The following CEP43 variants were observed in gnomAD, a reference collection of about 807,000 sequenced individuals.
The protein encoded by CEP43 is FGFR1 oncogene partner.
CEP43 carries 36 observed loss-of-function variants against 52.6 expected under a neutral mutation model. The ratio of observed to expected loss-of-function variants is 0.68; its 90% CI spans 0.52 to 0.90. The LOEUF is 0.90. Among genes scored for constraint, CEP43 ranks in the 40% least tolerant of loss-of-function variants. The probability of loss-of-function intolerance (pLI) is 0.00; values close to 1 mark genes in which losing one functional copy is unlikely to be tolerated. For missense variants in CEP43, 506 were observed against 472.8 expected (o/e 1.07, Z -0.65); for synonymous variants, 192 against 172.4 (o/e 1.11, Z -0.89).
chr6:167,005,866 C>A (rs1442429024), intron 5 of CEP43, among the ~76,000 whole-genome samples: 1 of 152,128 alleles, frequency 6.6e-6, no homozygotes, highest in African/African-American at 2.4e-5. Flanking sequence ...CTTTCATTTT[C>A]TTTTCTGTTT....
At position 167,011,334 on chromosome 6, in the gene CEP43, T is replaced by C. The variant is rs181518721; in HGVS notation, c.519+441T>C. 6.6e-5 allele frequency among the ~76,000 whole-genome samples: 10 copies of C among 152,336 alleles called. No individual in the cohort carries two copies. In the East Asian group the frequency reaches 1.9e-3, roughly 29 times the overall value. ...AAATCATGATGGTTTTTAATATACC[T>C]GGGCTGTTTTGATACAATTTCTAAG... On this transcript the variant is annotated intron_variant, in intron 6 of 12. Transcript: ENST00000366847.
intron 10 of CEP43, among the ~76,000 whole-genome samples, chr6:167,027,098 T>A (rs1433230078): frequency 6.6e-6 from 1 of 152,228 alleles, no homozygotes; most frequent in Non-Finnish European, 1.5e-5. Context: ...ATGCTGGTAG[T>A]ACATGGTCCA....
In CEP43 at chr6:166,999,421, G is replaced by A; in HGVS notation, c.9G>A (p.Ala3=). The part of the protein sequence containing the change: MA[A]TAAAVVAEED... The stretch of plus-strand genomic sequence containing the variant: ...TGTCTTGGAGAAGCAAGATGGCGGC[G>A]ACGGCGGCCGCAGTGGTGGCCGAGG... The change falls in exon 1 of 13, where the codon GCG becomes GCA. Residue 3 remains alanine (A), a synonymous_variant. Coordinates refer to ENST00000366847, the MANE Select transcript of CEP43 (RefSeq NM_007045.4). 4.7e-6 allele frequency: 7 copies of A among 1,475,072 alleles called. No homozygotes were observed. The highest frequency in any genetic ancestry group is 6.3e-6 in the Non-Finnish European group (7 of 1,110,520). 91.4% of individuals were successfully genotyped at this position (1,475,072 alleles called of 1,614,324 possible).
Position 167,041,869 on chromosome 6 carries a change from A to T in CEP43, c.*1891A>T, listed in dbSNP as rs143841163. On this transcript the variant is annotated 3_prime_UTR_variant, in exon 13 of 13. Coordinates refer to ENST00000366847, the MANE Select transcript of CEP43 (RefSeq NM_007045.4). ...GACAGAGTCTCACTGTGTCACTCAG[A>T]CTGGAGTACAGTGATGCGATCTCGG... 4 of 908,920 alleles carry T rather than the reference A, an allele frequency of 4.4e-6. No individual in the cohort carries two copies. The highest frequency in any genetic ancestry group is 1.8e-5 in the African/African-American group (1 of 55,984). 56.3% of individuals were successfully genotyped at this position (908,920 alleles called of 1,614,324 possible).
chr6:167,052,377 A>C lies in CEP43; in HGVS notation c.*12399A>C, dbSNP rs1189765572. ...GCAGGAAGGAAGGAAGAGGAAGGAA[A>C]AGTGTGTGAAAGGGGGCTCCACCTC... On this transcript the variant is annotated 3_prime_UTR_variant, in exon 13 of 13. Coordinates refer to ENST00000366847, the MANE Select transcript of CEP43 (RefSeq NM_007045.4). The C allele has an allele frequency of 6.6e-6, 1 of 152,168 alleles. No individual in the cohort carries two copies. Among genetic ancestry groups the C allele is most frequent in the African/African-American group, 2.4e-5 (1 of 41,440 alleles). The allele number at this position is 152,168 out of a possible 1,614,324, so 9.4% of individuals were successfully genotyped here.
intron 7 of CEP43, 144 bp from the exon 8 acceptor site, chr6:167,022,259 AACACAC>A (rs35327997): frequency 3.1e-3 from 1,664 of 543,596 alleles, no homozygotes; most frequent in Non-Finnish European, 3.2e-3. Flanking sequence ...GAGCTGCCCC[AACACAC>A]ACACACACAC....
At chr6:167,022,954 A>C (rs1780271619) in intron 8 of CEP43, among the ~76,000 whole-genome samples, 2 of 152,224 alleles carry the variant, frequency 1.3e-5, no homozygotes, top group South Asian at 4.2e-4. Flanking sequence ...AGAGTCAGGC[A>C]ATGAGGGTTA....
At chr6:167,004,793 T>C (rs1489783941) in intron 5 of CEP43, among the ~76,000 whole-genome samples, 2 of 152,206 alleles carry the variant, frequency 1.3e-5, no homozygotes, top group Non-Finnish European at 2.9e-5. Flanking sequence ...CTTGCTATTA[T>C]TTTTATTAAA....
chr6:167,004,869 C>T (rs1779817140), intron 5 of CEP43, among the ~76,000 whole-genome samples: 1 of 152,132 alleles, frequency 6.6e-6, no homozygotes, highest in African/African-American at 2.4e-5. Context: ...ACTTAAAGGC[C>T]TCTTTAGGCT....
Position 167,038,328 on chromosome 6 carries a change from C to T in CEP43, c.1126-1576C>T, listed in dbSNP as rs192272360. On this transcript the variant is annotated intron_variant, in intron 12 of 12. Coordinates refer to ENST00000366847, the MANE Select transcript of CEP43 (RefSeq NM_007045.4). ...CTGTTTTCACTTCATGATCTGGCTT[C>T]AGGTGGCACAGTGTTAAAGTGTGTC... Among the ~76,000 whole-genome samples the T allele has an allele frequency of 8.7e-5, 13 of 149,636 alleles. No homozygotes were observed. The East Asian group carries it at 1.9e-3, about 22-fold the overall frequency.
chr6:167,003,616 T>A, intron 3 of CEP43, 107 bp from the exon 4 acceptor site: 1 of 668,012 alleles, frequency 1.5e-6, no homozygotes, highest in Non-Finnish European at 2.5e-6. Context: ...ACTTAAAAAA[T>A]TTAGAAACCT....
Position 167,044,522 on chromosome 6 carries a change from G to A in CEP43, c.*4544G>A, listed in dbSNP as rs73035056. On this transcript the variant is annotated 3_prime_UTR_variant, in exon 13 of 13. Transcript: ENST00000366847. ...TGTCCTCAGGTTCAAGGAAACCTGG[G>A]TGTGCACCGGGTGAATGAGAGTGGC... is the stretch of plus-strand genomic sequence containing the variant. The A allele has an allele frequency of 3.5e-4, 341 of 985,458 alleles. 3 individuals are homozygous for A. The highest frequency in any genetic ancestry group is 1.8e-4 in the Admixed American group (3 of 16,298). 61.0% of individuals were successfully genotyped at this position (985,458 alleles called of 1,614,324 possible). A position where few individuals can be genotyped will look rare whatever the true frequency, so the allele number is the denominator to read the frequency against.
Position 167,039,910 on chromosome 6 carries a change from G to A in CEP43, c.1132G>A (p.Asp378Asn). The A allele has an allele frequency of 6.2e-7, 1 of 1,613,258 alleles. No homozygotes were observed. The highest frequency in any genetic ancestry group is 8.5e-7 in the Non-Finnish European group (1 of 1,179,394). Residue 378 changes from aspartate to asparagine, a missense_variant, in exon 13 of 13, where the codon GAC becomes AAC. By Grantham distance (23) the Asp-to-Asn change is conservative. Coordinates refer to ENST00000366847, the MANE Select transcript of CEP43 (RefSeq NM_007045.4). Reference sequence around the variant, plus strand: ...TTTCTTTTGAACAACAAAGCTTGATGACCTCACACAAGATCTGACTGTATC... The same window carrying A: ...TTTCTTTTGAACAACAAAGCTTGATAACCTCACACAAGATCTGACTGTATC... ...DDINTSDKLD[D>N]LTQDLTVSQL...
At chr6:167,029,507 C>G (rs2237274) in intron 10 of CEP43, among the ~76,000 whole-genome samples, 63,399 of 151,622 alleles carry the variant, frequency 0.42, 13,407 homozygotes, top group Non-Finnish European at 0.47. Flanking sequence ...CATTACGTCC[C>G]CACTCAGAAA....
Position 167,036,766 on chromosome 6 carries a change from A to C in CEP43, c.1125+2795A>C, listed in dbSNP as rs548900168. ...TGGTCACTTTGAGTTCTTATTCTAA[A>C]ACTAAGGAGGCATGAAAGCCGCCTT... On this transcript the variant is annotated intron_variant, in intron 12 of 12. Coordinates refer to ENST00000366847, the MANE Select transcript of CEP43 (RefSeq NM_007045.4). The C allele has an allele frequency of 2.5e-5, 25 of 985,054 alleles. No homozygotes were observed. The East Asian group carries it at 2.4e-3, about 94-fold the overall frequency. The allele number at this position is 985,054 out of a possible 1,614,324, so 61.0% of individuals were successfully genotyped here. A position where few individuals can be genotyped will look rare whatever the true frequency, so the allele number is the denominator to read the frequency against.
chr6:167,001,239 T>C (rs1455550086), intron 2 of CEP43, among the ~76,000 whole-genome samples: 1 of 152,248 alleles, frequency 6.6e-6, no homozygotes, highest in East Asian at 1.9e-4. Flanking sequence ...AGAGGCTCTG[T>C]CCTGTCCAAG....
rs189475829 is a variant in CEP43 at position 167,030,610 on chromosome 6, C to T, written c.989-1993C>T. Among the ~76,000 whole-genome samples the T allele has an allele frequency of 1.2e-4, 18 of 152,296 alleles. No individual in the cohort carries two copies. In the East Asian group the frequency reaches 2.7e-3, roughly 23 times the overall value. On this transcript the variant is annotated intron_variant, in intron 10 of 12. Transcript: ENST00000366847. The stretch of plus-strand genomic sequence containing the variant: ...CAGGAACAAGGACTCATGTTTTCTT[C>T]GTTTGCTGATATTCTTCCCACCCCA...
intron 12 of CEP43, among the ~76,000 whole-genome samples, chr6:167,037,350 A>C (rs1330216510): frequency 1.5e-5 from 2 of 132,444 alleles, no homozygotes; most frequent in African/African-American, 4.9e-5. Flanking sequence ...CATTTGTATT[A>C]ATATAACACT....
At chr6:167,008,839 C>A (rs1003209885) in intron 5 of CEP43, among the ~76,000 whole-genome samples, 74 of 151,986 alleles carry the variant, frequency 4.9e-4, no homozygotes, top group African/African-American at 1.8e-3. Flanking sequence ...AAGAGGAATA[C>A]CCATTTAGAA....
Sources: allele counts gnomAD v4.1 joint callset (sites outside exome capture counted in the v4.1 genomes callset), GRCh38; gene constraint gnomAD v4.1.1; transcripts MANE v1.5; gene names NCBI Gene and HGNC (gene_info 2026-07-23, HGNC 2026-07-21).